TGFBI: variants seen among roughly 807,000 people sequenced by gnomAD.
TGFBI encodes the protein transforming growth factor beta induced.
Under a neutral mutation model 73.7 loss-of-function variants are expected in TGFBI, and 50 were observed. That is an observed-to-expected ratio of 0.68 (90% CI 0.54 to 0.86). TGFBI has a LOEUF of 0.86. Among genes scored for constraint, TGFBI ranks in the 40% least tolerant of loss-of-function variants. TGFBI has a pLI of 0.00. For missense variants in TGFBI, 839 were observed against 877.0 expected (o/e 0.96, Z 0.55); for synonymous variants, 362 against 360.5 (o/e 1.00, Z -0.05).
chr5:136,063,266 C>G lies in TGFBI; in HGVS notation c.*40C>G. On this transcript the variant is annotated 3_prime_UTR_variant, in exon 17 of 17. Transcript: ENST00000442011. ...GGAGGAATGCACCACGGCAGCTCTCCGCCAATTTCTCTCAGATTTCCACAG... is the reference window on the plus strand; with the variant it reads ...GGAGGAATGCACCACGGCAGCTCTCGGCCAATTTCTCTCAGATTTCCACAG... 6.3e-7 allele frequency: 1 copy of G among 1,579,708 alleles called. No individual in the cohort carries two copies. Among genetic ancestry groups the G allele is most frequent in the Non-Finnish European group, 8.7e-7 (1 of 1,150,124 alleles).
chr5:136,060,134 T>C (rs1358034247), intron 13 of TGFBI, among the ~76,000 whole-genome samples: 4 of 101,806 alleles, frequency 3.9e-5, no homozygotes, highest in Non-Finnish European at 7.6e-5. Flanking sequence ...CTGTCTTCCA[T>C]TTCCAGCTGT....
At chr5:136,033,922 G>T in intron 2 of TGFBI, 61 bp downstream of exon 2, 1 of 1,412,270 alleles carries the variant, frequency 7.1e-7, no homozygotes, top group South Asian at 1.2e-5. Context: ...AGTTCCCCAG[G>T]GCCTGGGCCA....
chr5:136,062,554 C>T (rs1409045738), intron 15 of TGFBI, 109 bp from the exon 16 acceptor site: 23 of 1,168,124 alleles, frequency 2.0e-5, no homozygotes, highest in South Asian at 1.3e-4. Context: ...TCCTCTTCCT[C>T]GCCCCAGCAT....
chr5:136,061,395 G>C, intron 14 of TGFBI, 105 bp from the exon 15 acceptor site: 1 of 816,450 alleles, frequency 1.2e-6, no homozygotes, highest in South Asian at 1.5e-5. Context: ...CATGTCTTTG[G>C]AAATGTGAGC....
rs1015362812 is a variant in TGFBI, at chr5:136,057,781, G to A, written c.1678+986G>A. Among the ~76,000 whole-genome samples the A allele has an allele frequency of 3.9e-5, 6 of 152,114 alleles. No homozygotes were observed. The East Asian group carries it at 5.8e-4, about 15-fold the overall frequency. On this transcript the variant is annotated intron_variant, in intron 12 of 16. Coordinates refer to ENST00000442011, the MANE Select transcript of TGFBI (RefSeq NM_000358.3). ...TTGCAGGCAGCTCTAAGTTGAATTC[G>A]TGTCCTGTTTAATTTTCTTTATTGC...
chr5:136,052,959 T>G lies in TGFBI; in HGVS notation c.966T>G (p.Val322=). The part of the protein sequence containing the change: ...LKSAMCAEAI[V]AGLSVETLEG... Reference sequence around the variant, plus strand: ...CAGCTATGTGTGCTGAAGCCATCGTTGCGGGGCTGTCTGTAGAGACCCTGG... The same window carrying G: ...CAGCTATGTGTGCTGAAGCCATCGTGGCGGGGCTGTCTGTAGAGACCCTGG... The change falls in exon 8 of 17, where the codon GTT becomes GTG. Residue 322 remains valine, a synonymous_variant. Transcript: ENST00000442011. 1 of 1,614,048 alleles carries G rather than the reference T, an allele frequency of 6.2e-7. No individual in the cohort carries two copies. The highest frequency in any genetic ancestry group is 8.5e-7 in the Non-Finnish European group (1 of 1,179,894).
intron 2 of TGFBI, among the ~76,000 whole-genome samples, chr5:136,037,688 A>G (rs1200222152): frequency 1.3e-5 from 2 of 152,238 alleles, no homozygotes; most frequent in African/African-American, 4.8e-5. Context: ...TCTGGAGCCA[A>G]GATGAGCTGG....
intron 2 of TGFBI, among the ~76,000 whole-genome samples, chr5:136,042,588 C>T (rs1161892614): frequency 6.6e-6 from 1 of 151,456 alleles, no homozygotes; most frequent in East Asian, 1.9e-4. Context: ...CTTATAAGTT[C>T]AGGGATGAAA....
intron 13 of TGFBI, 65 bp downstream of exon 13, chr5:136,059,279 A>C: frequency 2.6e-5 from 41 of 1,572,924 alleles, no homozygotes; most frequent in Non-Finnish European, 3.3e-5. Flanking sequence ...GACATATCTC[A>C]CCCCCAGGAT....
At position 136,049,600 on chromosome 5, in the gene TGFBI, T is replaced by A; in HGVS notation, c.913+20T>A. The A allele has an allele frequency of 6.2e-7, 1 of 1,608,218 alleles. No homozygotes were observed. On this transcript the variant is annotated intron_variant, in intron 7 of 16. Coordinates refer to ENST00000442011, the MANE Select transcript of TGFBI (RefSeq NM_000358.3). ...TGAGAGGTGAGCATCCTTTGGCTCCTGCTGCTGCCTCATTTGTGCAGCTAG... is the reference window on the plus strand; with the variant it reads ...TGAGAGGTGAGCATCCTTTGGCTCCAGCTGCTGCCTCATTTGTGCAGCTAG...
chr5:136,046,556 G>C, intron 4 of TGFBI, 61 bp downstream of exon 4: 1 of 1,511,246 alleles, frequency 6.6e-7, no homozygotes, highest in Non-Finnish European at 8.9e-7. Flanking sequence ...TTCCCCGAGG[G>C]GTGGGCATGA....
chr5:136,062,667 C>T lies in TGFBI; in HGVS notation c.1991C>T (p.Ser664Phe). 2 of 1,566,684 alleles carry T rather than the reference C, an allele frequency of 1.3e-6. No homozygotes were observed. The highest frequency in any genetic ancestry group is 1.7e-6 in the Non-Finnish European group (2 of 1,153,952). ...FKQASAFSRA[S>F]QRSVRLAPVY... ...ACACCTTGTGTTTTCTTTCAGGCTT[C>T]CCAGAGGTCTGTGCGACTAGGTGAG... Residue 664 changes from serine (S) to phenylalanine (F), a missense_variant, in exon 16 of 17, where the codon TCC (serine) becomes TTC (phenylalanine). Ser to Phe is a radical substitution (Grantham distance 155). Transcript: ENST00000442011.
intron 2 of TGFBI, among the ~76,000 whole-genome samples, chr5:136,035,540 G>C (rs757957400): frequency 8.6e-5 from 13 of 151,410 alleles, no homozygotes; most frequent in Non-Finnish European, 1.3e-4. Context: ...CAGGAGAATG[G>C]CGTGAACCTG....
chr5:136,044,370 G>A (rs2074558), intron 3 of TGFBI, among the ~76,000 whole-genome samples: 53,129 of 152,200 alleles, frequency 0.35, 10,069 homozygotes, highest in African/African-American at 0.51. Context: ...CTCCAACTGT[G>A]GCCTGTCCAT....
In TGFBI at chr5:136,063,301, G is replaced by A; in HGVS notation, c.*75G>A. ...TCTCAGATTTCCACAGAGACTGTTT[G>A]AATGTTTTCAAAACCAAGTATCACA... On this transcript the variant is annotated 3_prime_UTR_variant, in exon 17 of 17. Transcript: ENST00000442011. The A allele has an allele frequency of 7.1e-7, 1 of 1,409,420 alleles. No homozygotes were observed. The highest frequency in any genetic ancestry group is 1.0e-6 in the Non-Finnish European group (1 of 1,003,276). 87.3% of individuals were successfully genotyped at this position (1,409,420 alleles called of 1,614,324 possible). A position where few individuals can be genotyped will look rare whatever the true frequency, so the allele number is the denominator to read the frequency against.
chr5:136,045,417 C>T (rs760398276), intron 3 of TGFBI, among the ~76,000 whole-genome samples: 2 of 151,964 alleles, frequency 1.3e-5, no homozygotes, highest in Non-Finnish European at 2.9e-5. Context: ...TGGTGGTGGG[C>T]GCCTATAATC....
rs771620738 is a variant in TGFBI at position 136,056,647 on chromosome 5, C to T, written c.1548-18C>T. On this transcript the variant is annotated intron_variant, in intron 11 of 16. Transcript: ENST00000442011. ...AATACCTGTTGACAGGTGACATTTTCTGTGTGTGTATCTACAGCATGCTGG... is the reference window on the plus strand; with the variant it reads ...AATACCTGTTGACAGGTGACATTTTTTGTGTGTGTATCTACAGCATGCTGG... 1.2e-6 allele frequency: 2 copies of T among 1,613,666 alleles called. No individual in the cohort carries two copies. The highest frequency in any genetic ancestry group is 2.2e-5 in the South Asian group (2 of 91,030).
intron 1 of TGFBI, among the ~76,000 whole-genome samples, chr5:136,031,035 T>C (rs965627657): frequency 2.0e-5 from 3 of 152,206 alleles, no homozygotes; most frequent in African/African-American, 7.2e-5. Flanking sequence ...TTAGATCAAC[T>C]TCCCCACCAT....
intron 7 of TGFBI, among the ~76,000 whole-genome samples, chr5:136,051,065 G>A (rs1235537748): frequency 6.6e-6 from 1 of 152,148 alleles, no homozygotes; most frequent in East Asian, 1.9e-4. Flanking sequence ...AGCCTTAAGG[G>A]GCCCAAAGGC....
Sources: allele counts gnomAD v4.1 joint callset (sites outside exome capture counted in the v4.1 genomes callset), GRCh38; gene constraint gnomAD v4.1.1; transcripts MANE v1.5; gene names NCBI Gene and HGNC (gene_info 2026-07-23, HGNC 2026-07-21).